ANKRD55: variants seen among roughly 807,000 people sequenced by gnomAD.
The protein encoded by ANKRD55 is ankyrin repeat domain-containing protein 55.
ANKRD55 carries 41 observed loss-of-function variants against 60.6 expected under a neutral mutation model. The ratio of observed to expected loss-of-function variants is 0.68; its 90% confidence interval spans 0.53 to 0.88. ANKRD55 has a LOEUF of 0.88. Ranked by LOEUF, ANKRD55 falls within the 40% of genes least tolerant of loss-of-function variation. ANKRD55 has a pLI of 0.00. For synonymous variants in ANKRD55, 264 were observed against 290.3 expected, an observed-to-expected ratio of 0.91 and a Z score of 0.92; for missense variants, 732 against 767.6, an observed-to-expected ratio of 0.95 and a Z score of 0.55.
At chr5:56,139,298 T>A (rs917150722) in intron 7 of ANKRD55, among the ~76,000 whole-genome samples, 2 of 152,108 alleles carry the variant, frequency 1.3e-5, no homozygotes, top group African/African-American at 4.8e-5. Context: ...GGACCTACGG[T>A]TCACAAAGCT....
intron 11 of ANKRD55, among the ~76,000 whole-genome samples, chr5:56,102,287 G>A (rs1309996387): frequency 2.0e-5 from 3 of 152,140 alleles, no homozygotes; most frequent in African/African-American, 7.2e-5. Flanking sequence ...CTACTTGGGA[G>A]GCTGAGGCAG....
chr5:56,163,912 T>A (rs1286295756), intron 5 of ANKRD55, among the ~76,000 whole-genome samples: 1 of 152,020 alleles, frequency 6.6e-6, no homozygotes, highest in Non-Finnish European at 1.5e-5. Context: ...GCTAACATGG[T>A]GAAACCCCGT....
At chr5:56,162,167 TAGC>T in intron 5 of ANKRD55, 3 of 323,340 alleles carry the variant, frequency 9.3e-6, no homozygotes, top group Non-Finnish European at 1.3e-5. Context: ...AGATTATCTG[TAGC>T]CAGACAGGAT....
intron 2 of ANKRD55, among the ~76,000 whole-genome samples, chr5:56,226,692 C>T (rs1239470163): frequency 6.6e-6 from 1 of 152,238 alleles, no homozygotes; most frequent in Non-Finnish European, 1.5e-5. Context: ...TGAACAGACA[C>T]TTCTCAAAAG....
intron 5 of ANKRD55, 121 bp downstream of exon 5, chr5:56,170,570 CAAA>C (rs3047043): frequency 9.1e-5 from 56 of 614,124 alleles, no homozygotes; most frequent in South Asian, 1.1e-4. Context: ...GCTGCAACTT[CAAA>C]AAAAAAAAAA....
At chr5:56,123,622 G>C (rs1384512916) in intron 8 of ANKRD55, among the ~76,000 whole-genome samples, 1 of 152,114 alleles carries the variant, frequency 6.6e-6, no homozygotes, top group Non-Finnish European at 1.5e-5. Context: ...TGGAGGGCTG[G>C]ATGTTGATCT....
intron 3 of ANKRD55, among the ~76,000 whole-genome samples, chr5:56,179,083 G>T (rs1313094827): frequency 6.6e-6 from 1 of 151,940 alleles, no homozygotes; most frequent in Non-Finnish European, 1.5e-5. Flanking sequence ...TGAACAAAGA[G>T]ATATAATCAA....
At chr5:56,187,587 C>G (rs1759002295) in intron 2 of ANKRD55, among the ~76,000 whole-genome samples, 1 of 152,262 alleles carries the variant, frequency 6.6e-6, no homozygotes, top group South Asian at 2.1e-4. Context: ...CCGCTGACTT[C>G]TATCCCTCTG....
At chr5:56,192,428 G>T (rs956769864) in intron 2 of ANKRD55, 1 of 191,090 alleles carries the variant, frequency 5.2e-6, no homozygotes, top group Non-Finnish European at 1.1e-5. Flanking sequence ...CTAGCGGCCA[G>T]GAGCCACTTC....
At position 56,135,294 on chromosome 5, in the gene ANKRD55, G is replaced by GT. The variant is rs1757546768; in HGVS notation, c.613-8189_613-8188insA. On this transcript the variant is annotated intron_variant, in intron 7 of 11. Transcript: ENST00000341048. Reference sequence around the variant, plus strand: ...TCCCTCCCTCCCTGCCTGCCTGCTTGCTTTCTTTCTTTCTTTCTTTCTTTC... The same window carrying GT: ...TCCCTCCCTCCCTGCCTGCCTGCTTGTCTTTCTTTCTTTCTTTCTTTCTTTC... 1.7e-4 allele frequency among the ~76,000 whole-genome samples: 14 copies of GT among 84,386 alleles called. 1 individual carries two copies. The highest frequency in any genetic ancestry group is 6.6e-4 in the African/African-American group (14 of 21,154). 55.4% of individuals were successfully genotyped at this position (84,386 alleles called of 152,430 possible). A position where few individuals can be genotyped will look rare whatever the true frequency, so the allele number is the denominator to read the frequency against.
chr5:56,220,553 G>A (rs1023605047), intron 2 of ANKRD55, among the ~76,000 whole-genome samples: 1 of 152,174 alleles, frequency 6.6e-6, no homozygotes, highest in Non-Finnish European at 1.5e-5. Context: ...AGTGGCTCAC[G>A]CCTGTACTTC....
At chr5:56,140,181 C>T (rs776994676) in intron 7 of ANKRD55, among the ~76,000 whole-genome samples, 2 of 152,130 alleles carry the variant, frequency 1.3e-5, no homozygotes, top group African/African-American at 4.8e-5. Context: ...TAGACTCATT[C>T]GTATGGAAAA....
chr5:56,103,415 T>C (rs1339506268), intron 10 of ANKRD55, among the ~76,000 whole-genome samples: 4 of 152,222 alleles, frequency 2.6e-5, no homozygotes, highest in Non-Finnish European at 5.9e-5. Flanking sequence ...AAGATACGGA[T>C]GTTCGATACC....
intron 8 of ANKRD55, among the ~76,000 whole-genome samples, chr5:56,122,294 C>T (rs1757087451): frequency 6.6e-6 from 1 of 152,122 alleles, no homozygotes. Context: ...GCCATCAGGT[C>T]ATCCTGGAAA....
chr5:56,133,153 T>G (rs1757470223), intron 7 of ANKRD55, among the ~76,000 whole-genome samples: 2 of 152,086 alleles, frequency 1.3e-5, no homozygotes, highest in South Asian at 4.2e-4. Context: ...AAAAATACAA[T>G]TAATTGGCCG....
intron 6 of ANKRD55, among the ~76,000 whole-genome samples, chr5:56,146,302 T>G (rs1757893471): frequency 6.6e-6 from 1 of 151,822 alleles, no homozygotes; most frequent in African/African-American, 2.4e-5. Flanking sequence ...TTTTTTTTTT[T>G]GAGATGGAGT....
intron 9 of ANKRD55, 88 bp downstream of exon 9, chr5:56,116,527 G>A (rs1348239315): frequency 1.8e-6 from 2 of 1,131,554 alleles, no homozygotes; most frequent in African/African-American, 3.2e-5. Flanking sequence ...ATTATTATTG[G>A]TTTGCACCTT....
At chr5:56,144,056 T>C in intron 6 of ANKRD55, 127 bp from the exon 7 acceptor site, 2 of 1,172,230 alleles carry the variant, frequency 1.7e-6, no homozygotes, top group Non-Finnish European at 2.4e-6. Context: ...GCTGGTTCAT[T>C]CATTCATTCA....
intron 7 of ANKRD55, among the ~76,000 whole-genome samples, chr5:56,141,017 C>T (rs150369037): frequency 2.3e-4 from 35 of 151,734 alleles, no homozygotes; most frequent in African/African-American, 6.8e-4. Context: ...GAGCCAAGAT[C>T]GCACCATTGC....
Sources: allele counts gnomAD v4.1 joint callset (sites outside exome capture counted in the v4.1 genomes callset), GRCh38; gene constraint gnomAD v4.1.1; transcripts MANE v1.5; gene names NCBI Gene and HGNC (gene_info 2026-07-23, HGNC 2026-07-21).